NEGR1: variants seen among roughly 807,000 people sequenced by gnomAD.
The protein encoded by NEGR1 is IgLON family member 4.
A neutral mutation model predicts 40.9 loss-of-function variants in NEGR1; 10 were observed. That is an observed-to-expected ratio of 0.24 (90% confidence interval 0.15 to 0.42). The LOEUF (loss-of-function observed/expected upper bound fraction) is 0.42, where lower values mean the gene tolerates loss of function less well. Ranked by LOEUF, NEGR1 falls within the 10% of genes least tolerant of loss-of-function variation. The pLI is 1.00. For missense variants in NEGR1, 352 were observed against 438.9 expected (o/e 0.80, Z 1.77); for synonymous variants, 185 against 166.8 (o/e 1.11, Z -0.84).
chr1:71,782,505 TTTC>T (rs1320122612), intron 2 of NEGR1, among the ~76,000 whole-genome samples: 1 of 152,190 alleles, frequency 6.6e-6, no homozygotes, highest in Non-Finnish European at 1.5e-5. Flanking sequence ...TTGGTATTTA[TTTC>T]TTCATTTGTT....
intron 2 of NEGR1, among the ~76,000 whole-genome samples, chr1:71,919,171 G>T (rs1168148188): frequency 1.3e-5 from 2 of 152,096 alleles, no homozygotes; most frequent in Non-Finnish European, 2.9e-5. Flanking sequence ...TTTCCAGCTG[G>T]ATTCTCTTTC....
At chr1:71,717,022 G>A (rs925571513) in intron 3 of NEGR1, among the ~76,000 whole-genome samples, 23 of 152,148 alleles carry the variant, frequency 1.5e-4, no homozygotes, top group Non-Finnish European at 7.3e-5. Context: ...CAAAAGTACC[G>A]GCTGTTACTG....
At chr1:71,590,889 A>C (rs1649475666) in intron 6 of NEGR1, among the ~76,000 whole-genome samples, 2 of 152,086 alleles carry the variant, frequency 1.3e-5, no homozygotes, top group Non-Finnish European at 1.5e-5. Context: ...TCATTTATTC[A>C]CTAAAGATTT....
intron 6 of NEGR1, among the ~76,000 whole-genome samples, chr1:71,570,526 T>A (rs1648776640): frequency 6.6e-6 from 1 of 152,184 alleles, no homozygotes; most frequent in African/African-American, 2.4e-5. Context: ...CAATACAAAA[T>A]CACTGTATTA....
intron 1 of NEGR1, among the ~76,000 whole-genome samples, chr1:72,061,505 A>G (rs1270214630): frequency 2.0e-5 from 3 of 151,774 alleles, no homozygotes; most frequent in African/African-American, 7.3e-5. Context: ...ATGCCCATAG[A>G]CAAACGTTGT....
At chr1:72,196,654 C>A (rs550751620) in intron 1 of NEGR1, among the ~76,000 whole-genome samples, 1 of 107,542 alleles carries the variant, frequency 9.3e-6, no homozygotes, top group African/African-American at 3.7e-5. Flanking sequence ...CCTGTAATCC[C>A]AGTTACAAGT....
At chr1:72,248,900 T>C (rs1211222702) in intron 1 of NEGR1, among the ~76,000 whole-genome samples, 1 of 152,024 alleles carries the variant, frequency 6.6e-6, no homozygotes, top group Admixed American at 6.6e-5. Flanking sequence ...CCTACAAGAG[T>C]TTAAATGCAT....
At chr1:71,918,028 T>A (rs1661645806) in intron 2 of NEGR1, among the ~76,000 whole-genome samples, 1 of 148,190 alleles carries the variant, frequency 6.7e-6, no homozygotes, top group South Asian at 2.1e-4. Context: ...CCATCCTATC[T>A]AACATGGTGA....
chr1:71,687,437 T>C (rs530217396), intron 4 of NEGR1, among the ~76,000 whole-genome samples: 67 of 152,366 alleles, frequency 4.4e-4, no homozygotes, highest in Middle Eastern at 6.8e-3. Context: ...GTTTGTTTTT[T>C]GCACTGCTGT....
At chr1:72,222,670 A>G (rs1489920452) in intron 1 of NEGR1, among the ~76,000 whole-genome samples, 1 of 152,100 alleles carries the variant, frequency 6.6e-6, no homozygotes, top group Admixed American at 6.6e-5. Flanking sequence ...TAGGTTCACT[A>G]TGTGTCCAAT....
intron 3 of NEGR1, among the ~76,000 whole-genome samples, chr1:71,731,855 T>C (rs1325373130): frequency 6.6e-6 from 1 of 152,176 alleles, no homozygotes; most frequent in African/African-American, 2.4e-5. Context: ...GATTAGTACT[T>C]TAAAAACTTG....
intron 1 of NEGR1, among the ~76,000 whole-genome samples, chr1:72,117,834 C>G (rs1302511446): frequency 6.6e-6 from 1 of 151,704 alleles, no homozygotes; most frequent in African/African-American, 2.4e-5. Flanking sequence ...TATTTTTGAT[C>G]CTCAAGTGCC....
chr1:71,593,921 A>G (rs1649594974), intron 5 of NEGR1, among the ~76,000 whole-genome samples: 1 of 152,144 alleles, frequency 6.6e-6, no homozygotes, highest in Non-Finnish European at 1.5e-5. Flanking sequence ...TCTCTCTAGC[A>G]GTTTCCATAT....
chr1:72,047,387 A>T (rs549288794), intron 1 of NEGR1, among the ~76,000 whole-genome samples: 3 of 151,706 alleles, frequency 2.0e-5, no homozygotes, highest in African/African-American at 7.2e-5. Flanking sequence ...TTTAATGAGT[A>T]ACTATGCTAG....
intron 1 of NEGR1, among the ~76,000 whole-genome samples, chr1:72,023,074 G>A (rs1646775111): frequency 6.6e-6 from 1 of 152,106 alleles, no homozygotes; most frequent in Non-Finnish European, 1.5e-5. Context: ...AATAAAATCT[G>A]CATGTATCCA....
At chr1:71,928,043 CACACACGTATATATAT>C (rs1170733906) in intron 2 of NEGR1, among the ~76,000 whole-genome samples, 2 of 117,220 alleles carry the variant, frequency 1.7e-5, no homozygotes, top group Admixed American at 1.1e-4. Context: ...CACACACACA[CACACACGTATATATAT>C]ACACACACAC....
chr1:72,170,561 G>GT lies in NEGR1; in HGVS notation c.176+111757_176+111758insA, dbSNP rs200332459. Among the ~76,000 whole-genome samples, 1,108 of 152,248 alleles carry GT rather than the reference G, an allele frequency of 7.3e-3. 11 individuals carry two copies. The highest frequency in any genetic ancestry group is 0.026 in the African/African-American group (1,065 of 41,540). On this transcript the variant is annotated intron_variant, in intron 1 of 6. Coordinates refer to ENST00000357731, the MANE Select transcript of NEGR1 (RefSeq NM_173808.3). ...GAAATTCAGAAGCTTTTGGGGTGAT[G>GT]CTAAGCCAGAAAAAGAGGTAATCTT...
chr1:71,725,442 C>G (rs182922973), intron 3 of NEGR1, among the ~76,000 whole-genome samples: 18 of 152,246 alleles, frequency 1.2e-4, no homozygotes, highest in Admixed American at 1.0e-3. Flanking sequence ...AATGAGTTAA[C>G]TACACCATCA....
At chr1:71,774,342 T>C (rs574139966) in intron 3 of NEGR1, among the ~76,000 whole-genome samples, 3 of 152,342 alleles carry the variant, frequency 2.0e-5, no homozygotes, top group Middle Eastern at 3.4e-3. Context: ...ATATCAGTTT[T>C]ATGATTTTTC....
Sources: gnomAD v4.1 joint callset for allele counts (sites outside exome capture counted in the v4.1 genomes callset) on GRCh38, gnomAD v4.1.1 for gene constraint, MANE v1.5 for transcripts, NCBI Gene and HGNC (gene_info 2026-07-23, HGNC 2026-07-21) for gene names.